BCAS3: variants seen among roughly 807,000 people sequenced by gnomAD.
BCAS3 encodes BCAS4/BCAS3 fusion.
A neutral mutation model predicts 116.1 loss-of-function variants in BCAS3; 53 were observed. That is an observed-to-expected ratio of 0.46 (90% CI 0.37 to 0.57). The LOEUF (loss-of-function observed/expected upper bound fraction) is 0.57, where lower values mean the gene tolerates loss of function less well. BCAS3 is among the 20% of genes least tolerant of loss of function. BCAS3 has a pLI of 0.00. For missense variants in BCAS3, 917 were observed against 1,165.4 expected, an observed-to-expected ratio of 0.79 and a Z score of 3.10; for synonymous variants, 391 against 408.2, an observed-to-expected ratio of 0.96 and a Z score of 0.51.
At chr17:60,904,700 G>T (rs976314322) in intron 11 of BCAS3, among the ~76,000 whole-genome samples, 12 of 152,118 alleles carry the variant, frequency 7.9e-5, no homozygotes, top group Admixed American at 5.2e-4. Context: ...GAGTGTGATG[G>T]TACATGCCTG....
At chr17:61,075,109 A>C in intron 20 of BCAS3, 89 bp downstream of exon 20, 1 of 978,946 alleles carries the variant, frequency 1.0e-6, no homozygotes, top group Middle Eastern at 3.1e-4. Flanking sequence ...AAAGGGGAGA[A>C]TTGGTAACTC....
intron 6 of BCAS3, among the ~76,000 whole-genome samples, chr17:60,802,355 CAT>C (rs913363844): frequency 7.3e-6 from 1 of 137,870 alleles, no homozygotes; most frequent in Non-Finnish European, 1.5e-5. Context: ...AATACACACA[CAT>C]ACATACATAC....
At chr17:61,110,547 C>T (rs981845297) in intron 22 of BCAS3, among the ~76,000 whole-genome samples, 2 of 151,956 alleles carry the variant, frequency 1.3e-5, no homozygotes, top group African/African-American at 2.4e-5. Flanking sequence ...GCTTAAAAAA[C>T]GGCGCACCAC....
At chr17:60,761,770 G>T (rs1170143548) in intron 6 of BCAS3, among the ~76,000 whole-genome samples, 2 of 142,796 alleles carry the variant, frequency 1.4e-5, no homozygotes, top group Admixed American at 1.3e-4. Context: ...AGATCCTTGA[G>T]GAATTGCCAC....
Position 61,391,958 on chromosome 17 carries a change from C to T in BCAS3, c.2594-19C>T. 6.2e-7 allele frequency: 1 copy of T among 1,611,946 alleles called. No individual in the cohort carries two copies. The highest frequency in any genetic ancestry group is 1.1e-5 in the South Asian group (1 of 90,878). On this transcript the variant is annotated intron_variant, in intron 23 of 23. Coordinates refer to ENST00000407086, the MANE Select transcript of BCAS3 (RefSeq NM_017679.5). The surrounding 1 kb of genome is among the most constrained non-coding windows in gnomAD (Gnocchi z 7.7). ...AGACCCAACTCTAACCAGGCCTGGC[C>T]CTCTCCTGTGTCTTGCAGAACTTCA... is the stretch of plus-strand genomic sequence containing the variant.
rs1226064104 is a variant in BCAS3 at position 61,171,249 on chromosome 17, A to G, written c.2425+86685A>G. Among the ~76,000 whole-genome samples the G allele has an allele frequency of 2.6e-5, 4 of 152,216 alleles. No homozygotes were observed. Among genetic ancestry groups the G allele is most frequent in the East Asian group, 1.9e-4 (1 of 5,200 alleles). ...CTTGGATAAGTTACAAATATATGCTATACATTCTAAAGCAGCCTCTAAAGT... is the reference window on the plus strand; with the variant it reads ...CTTGGATAAGTTACAAATATATGCTGTACATTCTAAAGCAGCCTCTAAAGT... On this transcript the variant is annotated intron_variant, in intron 22 of 23. Transcript: ENST00000407086. The surrounding 1 kb of genome is among the most constrained non-coding windows in gnomAD (Gnocchi z 4.1).
chr17:60,922,539 C>G (rs1451542647), intron 12 of BCAS3, among the ~76,000 whole-genome samples: 1 of 152,068 alleles, frequency 6.6e-6, no homozygotes, highest in East Asian at 1.9e-4. Context: ...ACGACTATTT[C>G]TCTATTAAAA....
chr17:60,841,448 C>T (rs1270348912), intron 7 of BCAS3, among the ~76,000 whole-genome samples: 1 of 149,966 alleles, frequency 6.7e-6, no homozygotes, highest in Non-Finnish European at 1.5e-5. Context: ...GGCACAATCT[C>T]GGCTTACTGC....
intron 6 of BCAS3, among the ~76,000 whole-genome samples, chr17:60,751,259 C>T (rs576408210): frequency 6.6e-6 from 1 of 152,224 alleles, no homozygotes; most frequent in East Asian, 1.9e-4. Context: ...GAACCTAGAT[C>T]TGCTTTAGGA....
chr17:61,030,322 A>G (rs985414906), intron 16 of BCAS3, among the ~76,000 whole-genome samples: 6 of 152,060 alleles, frequency 3.9e-5, no homozygotes, highest in African/African-American at 1.4e-4. Flanking sequence ...CATCTGTCCT[A>G]TTCAGATGGA....
intron 5 of BCAS3, among the ~76,000 whole-genome samples, chr17:60,710,648 A>G (rs2643104): frequency 0.95 from 144,972 of 151,986 alleles, 69,504 homozygotes; most frequent in Non-Finnish European, 1. Context: ...AGCCAGGATG[A>G]TCTTGATCTG....
intron 22 of BCAS3, among the ~76,000 whole-genome samples, chr17:61,096,019 A>G (rs1310806491): frequency 6.6e-6 from 1 of 152,096 alleles, no homozygotes; most frequent in Non-Finnish European, 1.5e-5. Context: ...ATTTTTTGAG[A>G]TGGAGTCTTA....
At chr17:60,884,618 C>T (rs1425195132) in intron 9 of BCAS3, among the ~76,000 whole-genome samples, 2 of 138,152 alleles carry the variant, frequency 1.4e-5, no homozygotes, top group Non-Finnish European at 3.1e-5. Flanking sequence ...GCTTTGAATG[C>T]GTCCCAGAGA....
In BCAS3 at chr17:61,358,012, C is replaced by T. The variant is rs188456759; in HGVS notation, c.2426-10315C>T. On this transcript the variant is annotated intron_variant, in intron 22 of 23. Coordinates refer to ENST00000407086, the MANE Select transcript of BCAS3 (RefSeq NM_017679.5). ...CTAAGGCACAAGAATCACTTGAGCC[C>T]GGGGGGCAGAGGTTACAGTGAGCTG... 4.0e-5 allele frequency among the ~76,000 whole-genome samples: 6 copies of T among 151,180 alleles called. No individual in the cohort carries two copies. The East Asian group carries it at 5.9e-4, about 15-fold the overall frequency.
rs1603228517 is a variant in BCAS3 at position 61,388,815 on chromosome 17, A to C, written c.2594-3162A>C. ...CTCCTCCCCTCCACTTCCCACACACACCCCTGCCTGCAGGGGGAGGAGCAG... is the reference window on the plus strand; with the variant it reads ...CTCCTCCCCTCCACTTCCCACACACCCCCCTGCCTGCAGGGGGAGGAGCAG... On this transcript the variant is annotated intron_variant, in intron 23 of 23. Transcript: ENST00000407086. This position sits in a 1 kb window ranked among gnomAD's most constrained non-coding sequence, Gnocchi z 6.5. The C allele has an allele frequency of 9.4e-7, 1 of 1,066,686 alleles. No individual in the cohort carries two copies. Among genetic ancestry groups the C allele is most frequent in the Non-Finnish European group, 1.3e-6 (1 of 746,126 alleles). The allele number at this position is 1,066,686 out of a possible 1,614,324, so 66.1% of individuals were successfully genotyped here. A position where few individuals can be genotyped will look rare whatever the true frequency, so the allele number is the denominator to read the frequency against.
At chr17:61,154,300 A>G (rs1568465642) in intron 22 of BCAS3, among the ~76,000 whole-genome samples, 1 of 152,332 alleles carries the variant, frequency 6.6e-6, no homozygotes, top group South Asian at 2.1e-4. Flanking sequence ...TGGTGATGCA[A>G]CTATTTCTAA....
intron 13 of BCAS3, among the ~76,000 whole-genome samples, chr17:60,942,788 C>T (rs958786988): frequency 6.6e-6 from 1 of 152,038 alleles, no homozygotes; most frequent in African/African-American, 2.4e-5. Context: ...TTCTTTCATG[C>T]CTTTTTGTTC....
intron 22 of BCAS3, among the ~76,000 whole-genome samples, chr17:61,338,722 G>A (rs1045406185): frequency 6.6e-5 from 10 of 152,018 alleles, no homozygotes; most frequent in South Asian, 2.1e-4. Context: ...GTGCAGGCCC[G>A]CGTGGGAGTC....
At position 61,368,234 on chromosome 17, in the gene BCAS3, C is replaced by G. The variant is rs1023022414; in HGVS notation, c.2426-93C>G. The G allele has an allele frequency of 2.2e-6, 3 of 1,373,484 alleles. No homozygotes were observed. In the African/African-American group the frequency reaches 4.3e-5, roughly 20 times the overall value. 85.1% of individuals were successfully genotyped at this position (1,373,484 alleles called of 1,614,324 possible). ...TCCTACAGGAAGGCTACAATGGACC[C>G]TGGGTATGGAGAGGAGCGGGTGGGA... is the stretch of plus-strand genomic sequence containing the variant. On this transcript the variant is annotated intron_variant, in intron 22 of 23. Coordinates refer to ENST00000407086, the MANE Select transcript of BCAS3 (RefSeq NM_017679.5). The surrounding 1 kb of genome is among the most constrained non-coding windows in gnomAD (Gnocchi z 6.0).
Sources: allele counts gnomAD v4.1 joint callset (sites outside exome capture counted in the v4.1 genomes callset), GRCh38; gene constraint gnomAD v4.1.1; non-coding constraint Gnocchi (gnomAD v3.1); transcripts MANE v1.5; gene names NCBI Gene and HGNC (gene_info 2026-07-23, HGNC 2026-07-21).